The following CHST9 variants were observed in gnomAD, a reference collection of about 807,000 sequenced individuals.
The protein encoded by CHST9 is carbohydrate sulfotransferase 9.
Under a neutral mutation model 44.4 loss-of-function variants are expected in CHST9, and 41 were observed. That is an observed-to-expected ratio of 0.92 (90% CI 0.72 to 1.20). CHST9 has a LOEUF of 1.20. Ranked by LOEUF, CHST9 falls within the 50% of genes most tolerant of loss-of-function variation. The pLI is 0.00. For missense variants in CHST9, 504 were observed against 516.5 expected, an observed-to-expected ratio of 0.98 and a Z score of 0.23; for synonymous variants, 171 against 178.4, an observed-to-expected ratio of 0.96 and a Z score of 0.33.
chr18:27,049,932 G>A (rs144106390), intron 2 of CHST9, among the ~76,000 whole-genome samples: 26 of 152,242 alleles, frequency 1.7e-4, no homozygotes, highest in Middle Eastern at 3.4e-3. Context: ...TGTGATGTAG[G>A]CCCACGGGAA....
intron 4 of CHST9, among the ~76,000 whole-genome samples, chr18:27,009,525 A>G (rs747880256): frequency 6.6e-6 from 1 of 152,220 alleles, no homozygotes; most frequent in South Asian, 2.1e-4. Context: ...GGGTCTTAGT[A>G]TAATTTCCCT....
chr18:27,033,927 A>T (rs904336455), intron 3 of CHST9, among the ~76,000 whole-genome samples: 2 of 152,068 alleles, frequency 1.3e-5, no homozygotes, highest in African/African-American at 4.8e-5. Context: ...GGGGCCTTGG[A>T]ATTCCTCTTG....
intron 3 of CHST9, among the ~76,000 whole-genome samples, chr18:27,027,646 C>A (rs565174171): frequency 7.2e-5 from 11 of 152,234 alleles, no homozygotes; most frequent in Non-Finnish European, 1.3e-4. Flanking sequence ...GTTATGTGAA[C>A]CTTATCTAAT....
chr18:27,131,777 C>T (rs1410208527), intron 2 of CHST9, among the ~76,000 whole-genome samples: 2 of 152,144 alleles, frequency 1.3e-5, no homozygotes, highest in Admixed American at 1.3e-4. Context: ...AGGGTGAAGA[C>T]ACACCTGCAG....
intron 2 of CHST9, among the ~76,000 whole-genome samples, chr18:27,113,050 G>T (rs1039724823): frequency 6.6e-6 from 1 of 152,040 alleles, no homozygotes; most frequent in Non-Finnish European, 1.5e-5. Context: ...TTAGCCGGGC[G>T]TGGTGGTGGG....
intron 1 of CHST9, among the ~76,000 whole-genome samples, chr18:27,146,285 ATGTGAG>A (rs1421463894): frequency 2.6e-5 from 4 of 152,188 alleles, no homozygotes; most frequent in Non-Finnish European, 4.4e-5. Flanking sequence ...ATTATGGCAG[ATGTGAG>A]TAGGATTGAG....
At chr18:27,089,855 G>A (rs2058050701) in intron 2 of CHST9, among the ~76,000 whole-genome samples, 1 of 141,266 alleles carries the variant, frequency 7.1e-6, no homozygotes, top group Admixed American at 7.6e-5. Flanking sequence ...CTGCCGCTCA[G>A]GCTGGAGTGC....
At chr18:27,024,719 A>G (rs1206996687) in intron 3 of CHST9, among the ~76,000 whole-genome samples, 1 of 152,230 alleles carries the variant, frequency 6.6e-6, no homozygotes, top group Non-Finnish European at 1.5e-5. Context: ...GCTAGGATAA[A>G]AAAGAGGGCT....
chr18:26,983,933 A>G (rs2056723766), intron 4 of CHST9, among the ~76,000 whole-genome samples: 1 of 152,204 alleles, frequency 6.6e-6, no homozygotes, highest in Non-Finnish European at 1.5e-5. Context: ...TACAAAAGAC[A>G]CTATTCAAGA....
At chr18:27,022,963 T>C (rs1216551771) in intron 4 of CHST9, among the ~76,000 whole-genome samples, 1 of 152,200 alleles carries the variant, frequency 6.6e-6, no homozygotes. Flanking sequence ...TGGCTAAGTG[T>C]TTATTGAATG....
chr18:27,041,977 AAAT>A (rs2057450597), intron 3 of CHST9, among the ~76,000 whole-genome samples: 2 of 152,118 alleles, frequency 1.3e-5, no homozygotes, highest in Admixed American at 1.3e-4. Context: ...TTGCTTTTAA[AAAT>A]AGACTTCATT....
At chr18:27,050,424 C>T (rs2057552424) in intron 2 of CHST9, among the ~76,000 whole-genome samples, 1 of 152,108 alleles carries the variant, frequency 6.6e-6, no homozygotes, top group African/African-American at 2.4e-5. Flanking sequence ...CATCTATCAA[C>T]ATTCCACAGC....
chr18:27,088,992 T>G (rs1290045488), intron 2 of CHST9, among the ~76,000 whole-genome samples: 1 of 152,186 alleles, frequency 6.6e-6, no homozygotes, highest in Non-Finnish European at 1.5e-5. Flanking sequence ...TAAAGTGTCA[T>G]GATTTGATTT....
intron 4 of CHST9, among the ~76,000 whole-genome samples, chr18:26,996,622 GC>G (rs2056891108): frequency 1.3e-5 from 2 of 152,286 alleles, no homozygotes; most frequent in South Asian, 4.1e-4. Flanking sequence ...GCGGATACCT[GC>G]CCCAAAGGAT....
At chr18:27,143,840 T>A (rs1306908034) in intron 1 of CHST9, among the ~76,000 whole-genome samples, 1 of 152,114 alleles carries the variant, frequency 6.6e-6, no homozygotes, top group Non-Finnish European at 1.5e-5. Context: ...ATACCTAATG[T>A]ATGCGGAGCT....
At chr18:27,159,115 T>A (rs1444080318) in intron 1 of CHST9, among the ~76,000 whole-genome samples, 1 of 152,184 alleles carries the variant, frequency 6.6e-6, no homozygotes, top group East Asian at 1.9e-4. Flanking sequence ...TTAGTTTAAT[T>A]AGATCCCATT....
intron 4 of CHST9, among the ~76,000 whole-genome samples, chr18:26,978,999 C>T (rs1437627762): frequency 4.0e-5 from 6 of 151,614 alleles, no homozygotes; most frequent in Non-Finnish European, 5.9e-5. Flanking sequence ...TTGTTGTTTC[C>T]GTTTTTTTTA....
Position 26,915,851 on chromosome 18 carries a change from T to C in CHST9, c.*408A>G, listed in dbSNP as rs778124434. ...GTAAGAAAACAATTCAACAGTTTGA[T>C]TAATATGCCACAGACTGCTAAAAAT... On this transcript the variant is annotated 3_prime_UTR_variant, in exon 6 of 6. Coordinates refer to ENST00000618847, the MANE Select transcript of CHST9 (RefSeq NM_031422.6). The C allele has an allele frequency of 8.3e-5, 13 of 156,282 alleles. No individual in the cohort carries two copies. Among genetic ancestry groups the C allele is most frequent in the Non-Finnish European group, 1.6e-4 (11 of 70,424 alleles). 9.7% of individuals were successfully genotyped at this position (156,282 alleles called of 1,614,324 possible). A position where few individuals can be genotyped will look rare whatever the true frequency, so the allele number is the denominator to read the frequency against.
intron 3 of CHST9, among the ~76,000 whole-genome samples, chr18:27,024,924 C>CA (rs2057267960): frequency 2.0e-5 from 3 of 151,850 alleles, no homozygotes; most frequent in Admixed American, 1.3e-4. Flanking sequence ...GCCTAGTCAC[C>CA]TATGGGGAGA....
Sources: gnomAD v4.1 joint callset for allele counts (sites outside exome capture counted in the v4.1 genomes callset) on GRCh38, gnomAD v4.1.1 for gene constraint, MANE v1.5 for transcripts, NCBI Gene and HGNC (gene_info 2026-07-23, HGNC 2026-07-21) for gene names.